AHCYL2: variants seen among roughly 807,000 people sequenced by gnomAD.
AHCYL2 encodes S-adenosylhomocysteine hydrolase-like protein 2.
AHCYL2 carries 28 observed loss-of-function variants against 81.4 expected under a neutral mutation model. The ratio of observed to expected loss-of-function variants is 0.34; its 90% CI spans 0.25 to 0.47. AHCYL2 has a LOEUF of 0.47. Ranked by LOEUF, AHCYL2 falls within the 20% of genes least tolerant of loss-of-function variation. The pLI is 1.00. For missense variants in AHCYL2, 551 were observed against 785.1 expected (o/e 0.70, Z 3.56); for synonymous variants, 272 against 290.2 (o/e 0.94, Z 0.64).
intron 1 of AHCYL2, among the ~76,000 whole-genome samples, chr7:129,330,527 G>A (rs561054895): frequency 7.2e-4 from 107 of 148,082 alleles, no homozygotes; most frequent in African/African-American, 2.5e-3. Flanking sequence ...CTGGAGTGCA[G>A]TGTCGCCATC....
At chr7:129,384,194 T>C (rs1795096851) in intron 2 of AHCYL2, among the ~76,000 whole-genome samples, 1 of 150,976 alleles carries the variant, frequency 6.6e-6, no homozygotes, top group Admixed American at 6.6e-5. Flanking sequence ...TTTCCTCCTT[T>C]ATTTTTCTTC....
rs1795895025 is a variant in AHCYL2, at chr7:129,399,142, A to C, written c.824-1148A>C. Among the ~76,000 whole-genome samples the C allele has an allele frequency of 1.2e-4, 3 of 24,068 alleles. No individual in the cohort carries two copies. The Admixed American group carries it at 2.2e-3, about 18-fold the overall frequency. 15.8% of individuals were successfully genotyped at this position (24,068 alleles called of 152,430 possible). A position where few individuals can be genotyped will look rare whatever the true frequency, so the allele number is the denominator to read the frequency against. On this transcript the variant is annotated intron_variant, in intron 5 of 16. Coordinates refer to ENST00000325006, the MANE Select transcript of AHCYL2 (RefSeq NM_015328.4). The stretch of plus-strand genomic sequence containing the variant: ...GGGTGACAGAGTGAGACTCCATCTC[A>C]AAAAAAAAAAAAAAAAAAAAAAGAG...
chr7:129,416,627 G>C (rs1258293883), intron 12 of AHCYL2, among the ~76,000 whole-genome samples: 1 of 151,764 alleles, frequency 6.6e-6, no homozygotes, highest in Non-Finnish European at 1.5e-5. Context: ...GTGAAACCCT[G>C]TCTCTACTAA....
At chr7:129,225,807 C>T (rs760671840) in intron 1 of AHCYL2, among the ~76,000 whole-genome samples, 2 of 152,166 alleles carry the variant, frequency 1.3e-5, no homozygotes, top group Non-Finnish European at 1.5e-5. Flanking sequence ...AAAACCTTAC[C>T]GCTCACGGGA....
chr7:129,230,099 T>G (rs1269631660), intron 1 of AHCYL2, among the ~76,000 whole-genome samples: 1 of 149,032 alleles, frequency 6.7e-6, no homozygotes, highest in Non-Finnish European at 1.5e-5. Context: ...TTTTTTTTTT[T>G]TTTGAGACCA....
intron 1 of AHCYL2, among the ~76,000 whole-genome samples, chr7:129,260,725 C>T (rs537738356): frequency 5.9e-5 from 9 of 152,268 alleles, no homozygotes; most frequent in African/African-American, 2.2e-4. Context: ...GCTGTCAATT[C>T]AGTACAAAGG....
At chr7:129,268,703 GT>G (rs1414141462) in intron 1 of AHCYL2, among the ~76,000 whole-genome samples, 1 of 152,134 alleles carries the variant, frequency 6.6e-6, no homozygotes, top group Non-Finnish European at 1.5e-5. Context: ...TCTTTCCTTT[GT>G]TTAAACAAAC....
intron 4 of AHCYL2, among the ~76,000 whole-genome samples, chr7:129,392,017 A>G (rs73721726): frequency 0.016 from 2,403 of 152,280 alleles, 65 homozygotes; most frequent in African/African-American, 0.055. Context: ...GTGCTTCTCT[A>G]CTGTCTCATG....
chr7:129,335,605 G>A (rs1798573915), intron 1 of AHCYL2, among the ~76,000 whole-genome samples: 1 of 152,128 alleles, frequency 6.6e-6, no homozygotes, highest in Non-Finnish European at 1.5e-5. Context: ...GTCAGATGGG[G>A]CTACAGTCAT....
intron 4 of AHCYL2, among the ~76,000 whole-genome samples, chr7:129,396,570 C>T (rs186194771): frequency 2.6e-5 from 4 of 152,150 alleles, no homozygotes; most frequent in Middle Eastern, 3.4e-3. Flanking sequence ...TACAGGCATG[C>T]GCCACCATGC....
intron 1 of AHCYL2, among the ~76,000 whole-genome samples, chr7:129,244,167 A>ATTT (rs201537468): frequency 1.6e-5 from 2 of 123,224 alleles, no homozygotes; most frequent in Non-Finnish European, 1.7e-5. Context: ...TGCCTAATTC[A>ATTT]TTTTTTTTTT....
intron 1 of AHCYL2, among the ~76,000 whole-genome samples, chr7:129,364,010 CACTTGAGGTGAACTCCTGGGAGTTCA>C (rs1386436317): frequency 6.6e-6 from 1 of 151,924 alleles, no homozygotes; most frequent in Non-Finnish European, 1.5e-5. Context: ...GTGGGAGGAT[CACTTGAGGTGAACTCCTGGGAGTTCA>C]AGACAAGCCT....
At chr7:129,323,161 G>A (rs1798099546) in intron 1 of AHCYL2, among the ~76,000 whole-genome samples, 1 of 151,992 alleles carries the variant, frequency 6.6e-6, no homozygotes, top group African/African-American at 2.4e-5. Flanking sequence ...GTTTCTTAAG[G>A]TGGAAACTGA....
At chr7:129,389,771 TTAA>T in intron 4 of AHCYL2, 37 bp downstream of exon 4, 5 of 1,549,386 alleles carry the variant, frequency 3.2e-6, no homozygotes, top group Non-Finnish European at 3.5e-6. Context: ...ATTACAATAG[TTAA>T]TAATAGCCAC....
intron 1 of AHCYL2, among the ~76,000 whole-genome samples, chr7:129,331,395 AAAC>A (rs1338204203): frequency 7.9e-5 from 12 of 152,214 alleles, no homozygotes; most frequent in Admixed American, 3.9e-4. Context: ...ATAAATTTAT[AAAC>A]AACAATATCT....
chr7:129,326,517 C>G (rs117470967), intron 1 of AHCYL2, among the ~76,000 whole-genome samples: 2 of 152,030 alleles, frequency 1.3e-5, no homozygotes, highest in East Asian at 3.9e-4. Flanking sequence ...AAGAGTGAGA[C>G]GCCAACTCAA....
chr7:129,403,208 T>C (rs1321723643), intron 6 of AHCYL2, among the ~76,000 whole-genome samples, 171 bp from the exon 7 acceptor site: 1 of 152,212 alleles, frequency 6.6e-6, no homozygotes, highest in Admixed American at 6.5e-5. Flanking sequence ...ATATAATGAC[T>C]ATTTGGCAGA....
At chr7:129,247,014 T>A (rs1373896300) in intron 1 of AHCYL2, among the ~76,000 whole-genome samples, 1 of 152,260 alleles carries the variant, frequency 6.6e-6, no homozygotes, top group Non-Finnish European at 1.5e-5. Context: ...TTTTGAATAA[T>A]GCAGTTATGA....
chr7:129,242,265 G>A (rs565929047), intron 1 of AHCYL2, among the ~76,000 whole-genome samples: 1 of 151,606 alleles, frequency 6.6e-6, no homozygotes, highest in African/African-American at 2.4e-5. Flanking sequence ...CTGGACTCAA[G>A]CGATCCCTCC....
Sources: gnomAD v4.1 joint callset for allele counts (sites outside exome capture counted in the v4.1 genomes callset) on GRCh38, gnomAD v4.1.1 for gene constraint, MANE v1.5 for transcripts, NCBI Gene and HGNC (gene_info 2026-07-23, HGNC 2026-07-21) for gene names.